The following NPTXR variants were observed in gnomAD, a reference collection of about 807,000 sequenced individuals.
NPTXR encodes neuronal pentraxin receptor.
Under a neutral mutation model 32.2 loss-of-function variants are expected in NPTXR, and 12 were observed. The ratio of observed to expected loss-of-function variants is 0.37; its 90% confidence interval spans 0.24 to 0.60. The LOEUF is 0.60. NPTXR is among the 20% of genes least tolerant of loss of function. The pLI is 0.66. For synonymous variants in NPTXR, 323 were observed against 315.8 expected, an observed-to-expected ratio of 1.02 and a Z score of -0.24; for missense variants, 612 against 682.9, an observed-to-expected ratio of 0.90 and a Z score of 1.16.
At chr22:38,841,698 C>G (rs2093131864) in intron 1 of NPTXR, among the ~76,000 whole-genome samples, 1 of 152,192 alleles carries the variant, frequency 6.6e-6, no homozygotes, top group African/African-American at 2.4e-5. Context: ...CTGAACATAC[C>G]TGTGTGCCAG....
At chr22:38,826,098 C>A (rs1289459939) in intron 3 of NPTXR, among the ~76,000 whole-genome samples, 2 of 152,188 alleles carry the variant, frequency 1.3e-5, no homozygotes, top group African/African-American at 4.8e-5. Flanking sequence ...CCGCCTCGGC[C>A]TCCCAAAGTG....
At chr22:38,842,039 G>A (rs1380056513) in intron 1 of NPTXR, among the ~76,000 whole-genome samples, 1 of 152,210 alleles carries the variant, frequency 6.6e-6, no homozygotes, top group Non-Finnish European at 1.5e-5. Flanking sequence ...CTGTGGGGAG[G>A]GTGCTGACAC....
At position 38,822,508 on chromosome 22, in the gene NPTXR, A is replaced by G; in HGVS notation, c.*101T>C. 1 of 988,966 alleles carries G rather than the reference A, an allele frequency of 1.0e-6. No individual in the cohort carries two copies. Among genetic ancestry groups the G allele is most frequent in the Non-Finnish European group, 1.5e-6 (1 of 651,564 alleles). 61.3% of individuals were successfully genotyped at this position (988,966 alleles called of 1,614,324 possible). On this transcript the variant is annotated 3_prime_UTR_variant, in exon 5 of 5. Coordinates refer to ENST00000333039, the MANE Select transcript of NPTXR (RefSeq NM_014293.4). ...TGGGAGGCACAGCCAGGAGTGGGGC[A>G]GGAGGGAAGGCCAGTGCGTGGGCAG...
intron 1 of NPTXR, among the ~76,000 whole-genome samples, chr22:38,829,566 C>T (rs749232636): frequency 2.8e-4 from 43 of 152,208 alleles, no homozygotes; most frequent in Non-Finnish European, 5.4e-4. Context: ...CCTTCACCAT[C>T]CTCCACCATC....
In NPTXR at chr22:38,822,402, G is replaced by A. The variant is rs2093099084; in HGVS notation, c.*207C>T. On this transcript the variant is annotated 3_prime_UTR_variant, in exon 5 of 5. Coordinates refer to ENST00000333039, the MANE Select transcript of NPTXR (RefSeq NM_014293.4). ...CAGGCTCCCACTGTTCACTTGAGAC[G>A]CTCCTCCCCACTCAGGTGGGGACAG... 6 of 584,798 alleles carry A rather than the reference G, an allele frequency of 1.0e-5. No homozygotes were observed. Among genetic ancestry groups the A allele is most frequent in the Middle Eastern group, 4.6e-4 (1 of 2,186 alleles). The allele number at this position is 584,798 out of a possible 1,614,324, so 36.2% of individuals were successfully genotyped here. A position where few individuals can be genotyped will look rare whatever the true frequency, so the allele number is the denominator to read the frequency against.
chr22:38,830,777 C>T (rs1057012134), intron 1 of NPTXR, among the ~76,000 whole-genome samples: 25 of 152,142 alleles, frequency 1.6e-4, no homozygotes, highest in African/African-American at 6.0e-4. Context: ...CCATTCCAGG[C>T]TGTAAGATGG....
chr22:38,831,279 T>C (rs942150460), intron 1 of NPTXR, among the ~76,000 whole-genome samples: 3 of 152,080 alleles, frequency 2.0e-5, no homozygotes, highest in Non-Finnish European at 4.4e-5. Context: ...TGGTGGTGCA[T>C]GCCTGTGGCC....
intron 1 of NPTXR, among the ~76,000 whole-genome samples, chr22:38,833,392 G>A (rs989305368): frequency 2.6e-5 from 4 of 152,196 alleles, no homozygotes; most frequent in Non-Finnish European, 5.9e-5. Flanking sequence ...GGAGCAGTGT[G>A]GACCACGGCC....
At chr22:38,835,267 C>T (rs947743518) in intron 1 of NPTXR, among the ~76,000 whole-genome samples, 8 of 152,204 alleles carry the variant, frequency 5.3e-5, no homozygotes, top group Non-Finnish European at 1.2e-4. Context: ...GCCAGGCCAC[C>T]AGCTCTTGCC....
rs1199992510 is a variant in NPTXR, at chr22:38,821,786, C to T, written c.*823G>A. 1 of 152,992 alleles carries T rather than the reference C, an allele frequency of 6.5e-6. No homozygotes were observed. Among genetic ancestry groups the T allele is most frequent in the Admixed American group, 6.5e-5 (1 of 15,294 alleles). 9.5% of individuals were successfully genotyped at this position (152,992 alleles called of 1,614,324 possible). A position where few individuals can be genotyped will look rare whatever the true frequency, so the allele number is the denominator to read the frequency against. Reference sequence around the variant, plus strand: ...GTCTCCTGGGCCATGAGGCCTCTACCTTAGGGCTGCTCCCAGCCCAGGCTG... The same window carrying T: ...GTCTCCTGGGCCATGAGGCCTCTACTTTAGGGCTGCTCCCAGCCCAGGCTG... On this transcript the variant is annotated 3_prime_UTR_variant, in exon 5 of 5. Coordinates refer to ENST00000333039, the MANE Select transcript of NPTXR (RefSeq NM_014293.4).
chr22:38,839,690 G>A (rs1049296928), intron 1 of NPTXR, among the ~76,000 whole-genome samples: 7 of 150,376 alleles, frequency 4.7e-5, no homozygotes, highest in African/African-American at 1.7e-4. Flanking sequence ...CCAGTACCCA[G>A]TAATACCACT....
At position 38,828,426 on chromosome 22, in the gene NPTXR, C is replaced by T. The variant is rs1469462607; in HGVS notation, c.711G>A (p.Gln237=). The change falls in exon 2 of 5, where the codon CAG becomes CAA. Residue 237 remains glutamine (Q), a synonymous_variant. Transcript: ENST00000333039. ...CCTGGGCCAGCAGCTGCCCCTCCAG[C>T]TGGTCCATCTTGGAGTGTAGGCCGG... 6 of 1,612,492 alleles carry T rather than the reference C, an allele frequency of 3.7e-6. No individual in the cohort carries two copies. The highest frequency in any genetic ancestry group is 5.1e-6 in the Non-Finnish European group (6 of 1,179,794).
Position 38,843,297 on chromosome 22 carries a change from C to A in NPTXR, c.562G>T (p.Ala188Ser). ...GCGTCCTCCAGCTCCAGAATGAGCG[C>A]AGGCGAGTCCCAGGGCCCGTCGGCC... Residue 188 changes from alanine to serine, a missense_variant, in exon 1 of 5, where the codon GCG becomes TCG. Ala to Ser is a moderately conservative substitution (Grantham distance 99). Transcript: ENST00000333039. The surrounding 1 kb of genome is among the most constrained non-coding windows in gnomAD (Gnocchi z 5.3). 7.0e-7 allele frequency: 1 copy of A among 1,438,502 alleles called. No homozygotes were observed. The highest frequency in any genetic ancestry group is 1.5e-5 in the African/African-American group (1 of 67,254). 89.1% of individuals were successfully genotyped at this position (1,438,502 alleles called of 1,614,324 possible). A position where few individuals can be genotyped will look rare whatever the true frequency, so the allele number is the denominator to read the frequency against.
intron 1 of NPTXR, among the ~76,000 whole-genome samples, chr22:38,829,571 A>G (rs188519638): frequency 6.6e-6 from 1 of 152,286 alleles, no homozygotes; most frequent in East Asian, 1.9e-4. Flanking sequence ...ACCATCCTCC[A>G]CCATCCTCCT....
At chr22:38,837,169 G>A (rs1255005373) in intron 1 of NPTXR, among the ~76,000 whole-genome samples, 1 of 152,200 alleles carries the variant, frequency 6.6e-6, no homozygotes, top group Non-Finnish European at 1.5e-5. Flanking sequence ...AGAAAGTTAA[G>A]CACCTTGCCT....
chr22:38,828,250 G>C, intron 2 of NPTXR, 37 bp downstream of exon 2: 1 of 1,539,222 alleles, frequency 6.5e-7, no homozygotes, highest in Non-Finnish European at 9.0e-7. Context: ...TCATCCTGAG[G>C]ACCCCTCCAA....
chr22:38,838,198 TATCTGG>T (rs2093126877), intron 1 of NPTXR, among the ~76,000 whole-genome samples: 1 of 135,986 alleles, frequency 7.4e-6, no homozygotes, highest in African/African-American at 3.6e-5. Flanking sequence ...GTTTCGGGCG[TATCTGG>T]CCTGCTATAT....
At chr22:38,839,721 A>T (rs1182970762) in intron 1 of NPTXR, among the ~76,000 whole-genome samples, 1 of 152,226 alleles carries the variant, frequency 6.6e-6, no homozygotes, top group African/African-American at 2.4e-5. Flanking sequence ...CAGCCTAAAA[A>T]AATCAACAGA....
At position 38,823,067 on chromosome 22, in the gene NPTXR, T is replaced by A; in HGVS notation, c.1278+16A>T. On this transcript the variant is annotated intron_variant, in intron 4 of 4. Transcript: ENST00000333039. Reference sequence around the variant, plus strand: ...ACAATTAGGAGGTCCAGCCCCAATATCAGCCTGAGCCTTACCTGCTCCTGG... The same window carrying A: ...ACAATTAGGAGGTCCAGCCCCAATAACAGCCTGAGCCTTACCTGCTCCTGG... 1 of 1,613,756 alleles carries A rather than the reference T, an allele frequency of 6.2e-7. No individual in the cohort carries two copies. The highest frequency in any genetic ancestry group is 1.1e-5 in the South Asian group (1 of 91,062).
Sources: allele counts gnomAD v4.1 joint callset (sites outside exome capture counted in the v4.1 genomes callset), GRCh38; gene constraint gnomAD v4.1.1; non-coding constraint Gnocchi (gnomAD v3.1); transcripts MANE v1.5; gene names NCBI Gene and HGNC (gene_info 2026-07-23, HGNC 2026-07-21).